TMEM71: variants seen among roughly 807,000 people sequenced by gnomAD.
TMEM71 encodes the protein transmembrane protein 71.
A neutral mutation model predicts 38.0 loss-of-function variants in TMEM71; 44 were observed. That is an observed-to-expected ratio of 1.16 (90% confidence interval 0.91 to 1.49). TMEM71 has a LOEUF of 1.49. Ranked by LOEUF, TMEM71 falls within the 40% of genes most tolerant of loss-of-function variation. The pLI, the probability that TMEM71 is intolerant of heterozygous loss-of-function variation, is 0.00. For missense variants in TMEM71, 367 were observed against 348.6 expected, an observed-to-expected ratio of 1.05 and a Z score of -0.42; for synonymous variants, 133 against 122.5, an observed-to-expected ratio of 1.09 and a Z score of -0.56.
At chr8:132,763,786 T>A (rs865962348), upstream of TMEM71, among the ~76,000 whole-genome samples, 75 of 152,326 alleles carry the variant, frequency 4.9e-4, no homozygotes, top group Middle Eastern at 6.8e-3. Flanking sequence ...GTGAGGGAAT[T>A]GGAGACAGTG....
chr8:132,723,158 C>T (rs1289970736), intron 6 of TMEM71, among the ~76,000 whole-genome samples: 1 of 152,196 alleles, frequency 6.6e-6, no homozygotes, highest in Non-Finnish European at 1.5e-5. Flanking sequence ...CAAAATATCA[C>T]AGTAGTAAAT....
intron 6 of TMEM71, among the ~76,000 whole-genome samples, chr8:132,723,585 T>C (rs1826969273): frequency 6.6e-6 from 1 of 152,222 alleles, no homozygotes; most frequent in African/African-American, 2.4e-5. Flanking sequence ...TTCATATCTC[T>C]GCTAACTCTC....
chr8:132,774,372 A>T, the TMEM71 span, among the ~76,000 whole-genome samples: 6 of 152,236 alleles, frequency 3.9e-5, no homozygotes, highest in Non-Finnish European at 8.8e-5. Context: ...TGTCTTATTT[A>T]TATCTTTTCT....
rs552741184 is a variant in TMEM71 at position 132,756,809 on chromosome 8, A to G, written c.101+425T>C. On this transcript the variant is annotated intron_variant, in intron 3 of 9. Coordinates refer to ENST00000677595, the MANE Select transcript of TMEM71 (RefSeq NM_001382403.1). ...ACCATGTTTTACCCAGGCTGGACTC[A>G]AACTCCTGACCTCAGGTGATCCACC... 1.8e-3 allele frequency among the ~76,000 whole-genome samples: 269 copies of G among 152,036 alleles called. 3 individuals are homozygous for G. The highest frequency in any genetic ancestry group is 6.1e-3 in the African/African-American group (254 of 41,476).
At chr8:132,728,438 C>T (rs73360975) in intron 5 of TMEM71, among the ~76,000 whole-genome samples, 1 of 152,284 alleles carries the variant, frequency 6.6e-6, no homozygotes, top group African/African-American at 2.4e-5. Flanking sequence ...GACCCATCAC[C>T]ATGATTCAAT....
chr8:132,762,745 T>A (rs1284499905), upstream of TMEM71, among the ~76,000 whole-genome samples: 1 of 152,226 alleles, frequency 6.6e-6, no homozygotes, highest in East Asian at 1.9e-4. Flanking sequence ...CAAACCCTGA[T>A]GAGATGGCTC....
chr8:132,729,438 G>T (rs1827329131), intron 5 of TMEM71, among the ~76,000 whole-genome samples: 2 of 152,168 alleles, frequency 1.3e-5, no homozygotes, highest in Admixed American at 6.5e-5. Context: ...TTATGATCTT[G>T]GGTAAGAATT....
At chr8:132,758,995 T>G in intron 1 of TMEM71, 80 bp from the exon 2 acceptor site, 1 of 822,620 alleles carries the variant, frequency 1.2e-6, no homozygotes, top group Non-Finnish European at 2.1e-6. Flanking sequence ...ATCTACTAAT[T>G]GCACTAGTCA....
chr8:132,757,180 G>A (rs1829069844), intron 3 of TMEM71, 54 bp downstream of exon 3: 6 of 1,369,872 alleles, frequency 4.4e-6, no homozygotes, highest in Middle Eastern at 1.8e-4. Flanking sequence ...ACAGGCATGA[G>A]CCACCACGCC....
chr8:132,721,303 A>G lies in TMEM71; in HGVS notation c.752+737T>C, dbSNP rs1458826235. On this transcript the variant is annotated intron_variant, in intron 7 of 9. Transcript: ENST00000677595. The stretch of plus-strand genomic sequence containing the variant: ...GGTAGAGAACAAACATACCTATAAG[A>G]AGGCATGAAGAGACAATTTATGTGG... 5.3e-5 allele frequency among the ~76,000 whole-genome samples: 8 copies of G among 152,288 alleles called. No individual in the cohort carries two copies. The South Asian group carries it at 8.3e-4, about 16-fold the overall frequency.
chr8:132,760,126 A>C (rs1273287072), intron 1 of TMEM71, among the ~76,000 whole-genome samples: 1 of 152,160 alleles, frequency 6.6e-6, no homozygotes, highest in Non-Finnish European at 1.5e-5. Context: ...TCTATCTCAC[A>C]AGTGCTTAGA....
intron 4 of TMEM71, among the ~76,000 whole-genome samples, chr8:132,751,017 C>T (rs1294425257): frequency 6.6e-6 from 1 of 152,160 alleles, no homozygotes; most frequent in Non-Finnish European, 1.5e-5. Context: ...TGTACTCACT[C>T]TCTACTCACA....
the TMEM71 span, among the ~76,000 whole-genome samples, chr8:132,771,883 T>C: frequency 6.6e-6 from 1 of 152,136 alleles, no homozygotes; most frequent in Admixed American, 6.5e-5. Context: ...TAATTTCTGT[T>C]CAGTTGATAA....
At chr8:132,726,773 C>G (rs964147293) in intron 6 of TMEM71, among the ~76,000 whole-genome samples, 3 of 152,048 alleles carry the variant, frequency 2.0e-5, no homozygotes, top group Non-Finnish European at 4.4e-5. Flanking sequence ...AATACCAATG[C>G]CTTTATTATC....
At chr8:132,760,994 T>A (rs1829282594), upstream of TMEM71, among the ~76,000 whole-genome samples, 1 of 152,224 alleles carries the variant, frequency 6.6e-6, no homozygotes, top group African/African-American at 2.4e-5. Context: ...TTCAGAATAC[T>A]ATTAAATAGC....
At chr8:132,731,877 G>C (rs986714550) in intron 5 of TMEM71, among the ~76,000 whole-genome samples, 3 of 152,182 alleles carry the variant, frequency 2.0e-5, no homozygotes, top group Non-Finnish European at 4.4e-5. Flanking sequence ...AACATAAAAT[G>C]ACTAAGGAAA....
chr8:132,714,951 A>G (rs1158843907), intron 7 of TMEM71, among the ~76,000 whole-genome samples: 2 of 152,102 alleles, frequency 1.3e-5, no homozygotes, highest in African/African-American at 2.4e-5. Context: ...GTCAATAAGT[A>G]TAAAAACAGA....
intron 5 of TMEM71, among the ~76,000 whole-genome samples, chr8:132,731,853 C>T (rs1231812104): frequency 1.3e-5 from 2 of 152,182 alleles, no homozygotes; most frequent in African/African-American, 4.8e-5. Context: ...TGATTGCTGT[C>T]ATGGAATGTC....
At chr8:132,771,448 A>G in the TMEM71 span, among the ~76,000 whole-genome samples, 1 of 152,226 alleles carries the variant, frequency 6.6e-6, no homozygotes, top group African/African-American at 2.4e-5. Context: ...AGACTTTGAT[A>G]TCTTAGAATC....
Sources: allele counts gnomAD v4.1 joint callset (sites outside exome capture counted in the v4.1 genomes callset), GRCh38; gene constraint gnomAD v4.1.1; transcripts MANE v1.5; gene names NCBI Gene and HGNC (gene_info 2026-07-23, HGNC 2026-07-21).